Variants in GALNT14 observed in about 807,000 individuals in gnomAD.
The protein encoded by GALNT14 is UDP-GalNAc:polypeptide N-acetylgalactosaminyltransferase 14.
Under a neutral mutation model 77.5 loss-of-function variants are expected in GALNT14, and 60 were observed. The observed-to-expected ratio is 0.77, with a 90% CI of 0.63 to 0.96. The LOEUF (loss-of-function observed/expected upper bound fraction) is 0.96. GALNT14 is among the 40% of genes least tolerant of loss of function. The pLI is 0.00. For missense variants in GALNT14, 710 were observed against 731.0 expected, an observed-to-expected ratio of 0.97 and a Z score of 0.33; for synonymous variants, 280 against 281.7, an observed-to-expected ratio of 0.99 and a Z score of 0.06.
chr2:31,101,423 G>A (rs1409431576), intron 1 of GALNT14, among the ~76,000 whole-genome samples: 3 of 151,848 alleles, frequency 2.0e-5, no homozygotes, highest in Non-Finnish European at 4.4e-5. Flanking sequence ...CTATGCTCTA[G>A]AACAGAGTTC....
intron 1 of GALNT14, among the ~76,000 whole-genome samples, chr2:31,059,017 C>T (rs1674418068): frequency 6.6e-6 from 1 of 152,048 alleles, no homozygotes; most frequent in Admixed American, 6.5e-5. Flanking sequence ...TGAAGAGATA[C>T]GGTCATCTGC....
intron 1 of GALNT14, among the ~76,000 whole-genome samples, chr2:31,057,218 C>T (rs775031526): frequency 3.3e-5 from 5 of 150,274 alleles, no homozygotes; most frequent in Non-Finnish European, 7.4e-5. Context: ...CATTTGTATC[C>T]CAAACCTCAC....
chr2:30,932,253 C>T (rs944453307), intron 9 of GALNT14, 59 bp from the exon 10 acceptor site: 3 of 1,375,178 alleles, frequency 2.2e-6, no homozygotes, highest in Non-Finnish European at 2.8e-6. Flanking sequence ...AGCTTTGAGG[C>T]CCCAGGTCTA....
chr2:30,951,454 T>C (rs1667022171), intron 6 of GALNT14, among the ~76,000 whole-genome samples: 1 of 151,264 alleles, frequency 6.6e-6, no homozygotes, highest in Non-Finnish European at 1.5e-5. Flanking sequence ...GAGGAGTGAG[T>C]GATTGCCCAT....
intron 1 of GALNT14, among the ~76,000 whole-genome samples, chr2:31,044,995 G>A (rs1468492140): frequency 2.0e-5 from 3 of 152,090 alleles, no homozygotes; most frequent in Admixed American, 6.5e-5. Context: ...GGAAAGCACT[G>A]TCTGGGAAAA....
At chr2:30,899,666 T>G in the GALNT14 span, among the ~76,000 whole-genome samples, 2 of 152,138 alleles carry the variant, frequency 1.3e-5, no homozygotes, top group South Asian at 4.1e-4. Flanking sequence ...AATGATGCAA[T>G]CTACTGCTGT....
At chr2:30,985,015 T>C (rs529503802) in intron 2 of GALNT14, among the ~76,000 whole-genome samples, 99 of 152,272 alleles carry the variant, frequency 6.5e-4, no homozygotes, top group Non-Finnish European at 8.2e-4. Context: ...ATTGGTCTCA[T>C]GTCCATTTCT....
At chr2:31,019,032 T>C (rs1166138550) in intron 1 of GALNT14, among the ~76,000 whole-genome samples, 1 of 151,042 alleles carries the variant, frequency 6.6e-6, no homozygotes, top group Non-Finnish European at 1.5e-5. Flanking sequence ...CAGTGCTTTA[T>C]TGGGCACCAT....
At chr2:30,915,096 T>C (rs1664600655) in intron 13 of GALNT14, among the ~76,000 whole-genome samples, 1 of 152,162 alleles carries the variant, frequency 6.6e-6, no homozygotes, top group African/African-American at 2.4e-5. Flanking sequence ...TGACATTGTG[T>C]TTTTTGTGTT....
Position 30,910,884 on chromosome 2 carries a change from G to T in GALNT14, c.*17C>A, listed in dbSNP as rs761963570. On this transcript the variant is annotated 3_prime_UTR_variant, in exon 15 of 15. Transcript: ENST00000349752. Reference sequence around the variant, plus strand: ...GAAGCACCACCCCATGGCCCTTGCTGCTTCTGGCAGGGGTCCTCAAGAGCT... The same window carrying T: ...GAAGCACCACCCCATGGCCCTTGCTTCTTCTGGCAGGGGTCCTCAAGAGCT... The T allele has an allele frequency of 3.1e-6, 5 of 1,612,660 alleles. No individual in the cohort carries two copies. Among genetic ancestry groups the T allele is most frequent in the Non-Finnish European group, 3.4e-6 (4 of 1,179,378 alleles).
downstream of GALNT14, chr2:30,910,335 T>G (rs1664283063): frequency 6.6e-6 from 1 of 152,102 alleles, no homozygotes; most frequent in Non-Finnish European, 1.5e-5. Flanking sequence ...CAGCCCAGGA[T>G]AAGGGCACAG....
intron 2 of GALNT14, among the ~76,000 whole-genome samples, chr2:30,990,071 C>T (rs1177576615): frequency 6.6e-6 from 1 of 151,944 alleles, no homozygotes; most frequent in African/African-American, 2.4e-5. Context: ...ACTGCAATTT[C>T]GCCTCAAGGG....
At chr2:31,102,692 A>G (rs912633607) in intron 1 of GALNT14, among the ~76,000 whole-genome samples, 4 of 152,104 alleles carry the variant, frequency 2.6e-5, no homozygotes, top group Admixed American at 2.0e-4. Flanking sequence ...TAGAGCTTCC[A>G]TATTGATTTT....
intron 1 of GALNT14, among the ~76,000 whole-genome samples, chr2:31,102,121 C>T (rs1256191228): frequency 6.6e-6 from 1 of 152,060 alleles, no homozygotes; most frequent in Admixed American, 6.6e-5. Flanking sequence ...TAATACACCC[C>T]CAAACCAGCT....
chr2:31,111,201 G>A (rs1677816796), intron 1 of GALNT14, among the ~76,000 whole-genome samples: 1 of 152,182 alleles, frequency 6.6e-6, no homozygotes, highest in Non-Finnish European at 1.5e-5. Flanking sequence ...TACCCAGCCT[G>A]CAGGGCACAA....
chr2:30,989,560 T>TTATA (rs57594110), intron 2 of GALNT14, among the ~76,000 whole-genome samples: 25,431 of 86,878 alleles, frequency 0.29, 3,550 homozygotes, highest in Middle Eastern at 0.38. Flanking sequence ...GGTAAATACC[T>TTATA]TATATATATA....
the GALNT14 span, among the ~76,000 whole-genome samples, chr2:30,904,969 A>C: frequency 3.9e-5 from 6 of 151,994 alleles, no homozygotes; most frequent in South Asian, 2.1e-4. Flanking sequence ...CTCACACGGC[A>C]GGGTATTCCA....
At chr2:31,001,117 C>T (rs1348652315) in intron 1 of GALNT14, among the ~76,000 whole-genome samples, 1 of 152,142 alleles carries the variant, frequency 6.6e-6, no homozygotes, top group East Asian at 1.9e-4. Flanking sequence ...TGTAGCCAGG[C>T]TATCTCCAGG....
intron 11 of GALNT14, among the ~76,000 whole-genome samples, chr2:30,926,151 G>T (rs1665364413): frequency 6.6e-6 from 1 of 152,204 alleles, no homozygotes; most frequent in Non-Finnish European, 1.5e-5. Flanking sequence ...ATCAGGATGG[G>T]AAGGATGTCA....
Sources: gnomAD v4.1 joint callset for allele counts (sites outside exome capture counted in the v4.1 genomes callset) on GRCh38, gnomAD v4.1.1 for gene constraint, MANE v1.5 for transcripts, NCBI Gene and HGNC (gene_info 2026-07-23, HGNC 2026-07-21) for gene names.